The following CTNNA3 variants were observed in gnomAD, a reference collection of about 807,000 sequenced individuals.
CTNNA3 encodes catenin alpha 3.
Under a neutral mutation model 95.7 loss-of-function variants are expected in CTNNA3, and 76 were observed. That is an observed-to-expected ratio of 0.79 (90% CI 0.66 to 0.96). CTNNA3 has a LOEUF of 0.96. Among genes scored for constraint, CTNNA3 ranks in the 40% least tolerant of loss-of-function variants. The pLI, the probability that CTNNA3 is intolerant of heterozygous loss-of-function variation, is 0.00. For synonymous variants in CTNNA3, 431 were observed against 374.4 expected (o/e 1.15, Z -1.74); for missense variants, 1,191 against 1,089.8 (o/e 1.09, Z -1.31).
intron 9 of CTNNA3, among the ~76,000 whole-genome samples, chr10:66,638,873 T>C (rs971109976): frequency 6.6e-6 from 1 of 152,124 alleles, no homozygotes; most frequent in Non-Finnish European, 1.5e-5. Context: ...ACAAAATCCC[T>C]CATACTTTTC....
At chr10:66,067,012 G>A (rs111874305) in intron 15 of CTNNA3, among the ~76,000 whole-genome samples, 134 of 151,026 alleles carry the variant, frequency 8.9e-4, no homozygotes, top group African/African-American at 3.2e-3. Flanking sequence ...AAAAATATAC[G>A]CCAAAATGAA....
chr10:66,350,353 G>T (rs555674722), intron 12 of CTNNA3, among the ~76,000 whole-genome samples: 1 of 152,190 alleles, frequency 6.6e-6, no homozygotes, highest in African/African-American at 2.4e-5. Context: ...GCTTCAATTT[G>T]CTCTGAGAAA....
chr10:66,290,236 G>A (rs1444798054), intron 12 of CTNNA3, among the ~76,000 whole-genome samples: 2 of 151,970 alleles, frequency 1.3e-5, no homozygotes, highest in African/African-American at 2.4e-5. Flanking sequence ...AGAGTCAAGT[G>A]TGCAATAAGC....
intron 7 of CTNNA3, among the ~76,000 whole-genome samples, chr10:66,962,584 T>G (rs562725273): frequency 1.3e-5 from 2 of 152,018 alleles, no homozygotes; most frequent in East Asian, 3.9e-4. Context: ...TAATTTTTTT[T>G]CTATTTTTAG....
intron 12 of CTNNA3, among the ~76,000 whole-genome samples, chr10:66,350,610 G>GAA (rs5785755): frequency 7.4e-4 from 105 of 142,068 alleles, no homozygotes; most frequent in Non-Finnish European, 8.4e-4. Context: ...AGGGGCTCCT[G>GAA]AAAAAAAAAA....
chr10:66,065,653 A>C (rs992946395), intron 15 of CTNNA3, among the ~76,000 whole-genome samples: 7 of 152,028 alleles, frequency 4.6e-5, no homozygotes, highest in Admixed American at 6.6e-5. Flanking sequence ...TCTTATTAAC[A>C]CTTGAATGCT....
chr10:66,927,324 G>A lies in CTNNA3; in HGVS notation c.1048-151800C>T. 6.2e-7 allele frequency: 1 copy of A among 1,614,074 alleles called. No individual in the cohort carries two copies. Among genetic ancestry groups the A allele is most frequent in the East Asian group, 2.2e-5 (1 of 44,866 alleles). On this transcript the variant is annotated intron_variant, in intron 7 of 17. Transcript: ENST00000433211. The surrounding 1 kb of genome is among the most constrained non-coding windows in gnomAD (Gnocchi z 4.7). ...CCTTCAGACCTGTGACAAATTTACGGAACTTGGATCTGTCCTATAATCAGC... is the reference window on the plus strand; with the variant it reads ...CCTTCAGACCTGTGACAAATTTACGAAACTTGGATCTGTCCTATAATCAGC...
At chr10:66,973,671 T>A (rs1016870374) in intron 7 of CTNNA3, among the ~76,000 whole-genome samples, 1 of 152,216 alleles carries the variant, frequency 6.6e-6, no homozygotes, top group Admixed American at 6.5e-5. Context: ...TCACCCCAGC[T>A]GGAGTACAGT....
At position 66,520,640 on chromosome 10, in the gene CTNNA3, A is replaced by G. The variant is rs770318219; in HGVS notation, c.1508T>C (p.Ile503Thr). Residue 503 changes from isoleucine to threonine, a missense_variant, in exon 11 of 18, where the codon ATT becomes ACT. Physicochemically the swap from Ile to Thr is moderately conservative, Grantham distance 89. Coordinates refer to ENST00000433211, the MANE Select transcript of CTNNA3 (RefSeq NM_013266.4). ...LTEAVDDITS[I>T]DDFLAVSESH... ...ACCAGATACAGCAAGGAAGTCATCAATGCTTGTAATGTCATCTACGGCTTC... is the reference window on the plus strand; with the variant it reads ...ACCAGATACAGCAAGGAAGTCATCAGTGCTTGTAATGTCATCTACGGCTTC... 6 of 1,609,202 alleles carry G rather than the reference A, an allele frequency of 3.7e-6. No individual in the cohort carries two copies. In the Admixed American group the frequency reaches 1.0e-4, roughly 27 times the overall value.
At chr10:66,772,887 T>A (rs1459742634) in intron 8 of CTNNA3, among the ~76,000 whole-genome samples, 1 of 152,156 alleles carries the variant, frequency 6.6e-6, no homozygotes, top group Non-Finnish European at 1.5e-5. Context: ...CTAAAAAAAG[T>A]TTTAAAAGAT....
intron 11 of CTNNA3, among the ~76,000 whole-genome samples, chr10:66,504,526 C>G (rs1330826361): frequency 2.0e-5 from 3 of 152,210 alleles, no homozygotes; most frequent in Non-Finnish European, 4.4e-5. Flanking sequence ...CCCTTCAGCT[C>G]TAGCTGAAAT....
At chr10:67,084,900 T>C (rs992226701) in intron 7 of CTNNA3, among the ~76,000 whole-genome samples, 2 of 151,904 alleles carry the variant, frequency 1.3e-5, no homozygotes, top group African/African-American at 2.4e-5. Flanking sequence ...GAAAACCAGT[T>C]TAAAATAATT....
chr10:66,528,351 A>T (rs529953155), intron 10 of CTNNA3, among the ~76,000 whole-genome samples: 1 of 152,298 alleles, frequency 6.6e-6, no homozygotes, highest in South Asian at 2.1e-4. Context: ...TCAGATAGAC[A>T]ACTTTTACTA....
At chr10:67,702,521 T>C (rs987098011) in intron 1 of CTNNA3, among the ~76,000 whole-genome samples, 15 of 152,208 alleles carry the variant, frequency 9.9e-5, no homozygotes, top group Non-Finnish European at 1.9e-4. Context: ...TGCTCCTGAA[T>C]GACTACTGGG....
At chr10:66,705,687 C>T (rs980281851) in intron 9 of CTNNA3, among the ~76,000 whole-genome samples, 8 of 152,010 alleles carry the variant, frequency 5.3e-5, no homozygotes, top group African/African-American at 1.9e-4. Context: ...AATATCCCTT[C>T]CTTAACAAAT....
At chr10:67,196,125 T>C (rs61866878) in intron 6 of CTNNA3, among the ~76,000 whole-genome samples, 21,049 of 152,104 alleles carry the variant, frequency 0.14, 1,928 homozygotes, top group Middle Eastern at 0.24. Flanking sequence ...TTTTTCCTTA[T>C]GATTACCAAT....
chr10:66,638,953 T>A (rs1010886992), intron 9 of CTNNA3, among the ~76,000 whole-genome samples: 2 of 152,204 alleles, frequency 1.3e-5, no homozygotes, highest in Non-Finnish European at 1.5e-5. Context: ...ATGTTTTTTT[T>A]AATCTTTGCA....
chr10:67,485,281 C>A (rs1297127448), intron 5 of CTNNA3, among the ~76,000 whole-genome samples: 2 of 152,098 alleles, frequency 1.3e-5, no homozygotes, highest in African/African-American at 4.8e-5. Context: ...TACTCATGGG[C>A]ATAAGGATAG....
At chr10:66,913,085 A>G (rs1846291775) in intron 7 of CTNNA3, among the ~76,000 whole-genome samples, 1 of 151,592 alleles carries the variant, frequency 6.6e-6, no homozygotes, top group African/African-American at 2.4e-5. Context: ...TAAAAATACA[A>G]AAAATTAGCC....
Sources: allele counts gnomAD v4.1 joint callset (sites outside exome capture counted in the v4.1 genomes callset), GRCh38; gene constraint gnomAD v4.1.1; non-coding constraint Gnocchi (gnomAD v3.1); transcripts MANE v1.5; gene names NCBI Gene and HGNC (gene_info 2026-07-23, HGNC 2026-07-21).